Variants in AADACL2 observed in about 807,000 individuals in gnomAD.
The protein encoded by AADACL2 is arylacetamide deacetylase-like 2.
In AADACL2, 23 loss-of-function variants were observed where a neutral mutation model predicts 22.3. The ratio of observed to expected loss-of-function variants is 1.03; its 90% CI spans 0.74 to 1.46. AADACL2 has a LOEUF of 1.46. AADACL2 is among the 40% of genes most tolerant of loss of function. AADACL2 has a pLI of 0.00. For synonymous variants in AADACL2, 177 were observed against 166.2 expected (o/e 1.07, Z -0.50); for missense variants, 472 against 482.9 (o/e 0.98, Z 0.21).
intron 2 of AADACL2, among the ~76,000 whole-genome samples, chr3:151,741,219 T>C (rs1282312278): frequency 3.3e-5 from 5 of 152,182 alleles, no homozygotes; most frequent in African/African-American, 1.2e-4. Flanking sequence ...ATGCAGATGT[T>C]TTAATTAACA....
chr3:151,754,100 G>T (rs994019285), intron 4 of AADACL2, among the ~76,000 whole-genome samples: 1 of 152,074 alleles, frequency 6.6e-6, no homozygotes, highest in Non-Finnish European at 1.5e-5. Context: ...ATGACACAGG[G>T]CATGAAGTCA....
At position 151,757,534 on chromosome 3, in the gene AADACL2, T is replaced by C; in HGVS notation, c.1146T>C (p.Tyr382=). 1.9e-6 allele frequency: 3 copies of C among 1,613,450 alleles called. No homozygotes were observed. Among genetic ancestry groups the C allele is most frequent in the Non-Finnish European group, 2.5e-6 (3 of 1,179,554 alleles). The change falls in exon 5 of 5, where the codon TAT becomes TAC. Residue 382 remains tyrosine (Y), a synonymous_variant. Transcript: ENST00000356517. ...GALSFMTSPF[Y]LRLGLRIRDM... is the part of the protein sequence containing the mutation. ...TATCATTCATGACTTCACCATTTTA[T>C]TTACGTCTAGGTCTTAGGATAAGAG...
intron 4 of AADACL2, among the ~76,000 whole-genome samples, chr3:151,746,805 G>T (rs1713461034): frequency 6.6e-6 from 1 of 151,922 alleles, no homozygotes; most frequent in African/African-American, 2.4e-5. Flanking sequence ...TGGTCTTGAT[G>T]AATTAAAATT....
At chr3:151,753,355 T>C (rs1713745699) in intron 4 of AADACL2, among the ~76,000 whole-genome samples, 1 of 152,086 alleles carries the variant, frequency 6.6e-6, no homozygotes. Flanking sequence ...AGAATAAAGA[T>C]CAGGAAAGGA....
At chr3:151,746,861 T>C (rs1438015646) in intron 4 of AADACL2, among the ~76,000 whole-genome samples, 1 of 151,994 alleles carries the variant, frequency 6.6e-6, no homozygotes, top group Non-Finnish European at 1.5e-5. Flanking sequence ...TTAAATGTTT[T>C]GTATTTTTGA....
At position 151,757,017 on chromosome 3, in the gene AADACL2, A is replaced by T. The variant is rs1218469287; in HGVS notation, c.629A>T (p.His210Leu). Residue 210 changes from histidine to leucine, a missense_variant, in exon 5 of 5, where the codon CAT becomes CTT. Physicochemically the swap from His to Leu is moderately conservative, Grantham distance 99 (BLOSUM62 -3). This residue lies in a region of AADACL2 where 356 missense variants were observed against 365.5 expected (regional missense o/e 0.97). Transcript: ENST00000356517. ...QQVQNDAEIKHKIKMQVLLYP... is the reference protein window; with the variant it reads ...QQVQNDAEIKLKIKMQVLLYP... ...GTGCAGAATGATGCTGAAATAAAAC[A>T]TAAAATCAAGATGCAAGTCTTACTT... 11 of 1,606,238 alleles carry T rather than the reference A, an allele frequency of 6.8e-6. No homozygotes were observed. Among genetic ancestry groups the T allele is most frequent in the Non-Finnish European group, 9.3e-6 (11 of 1,177,738 alleles).
At chr3:151,754,518 A>G (rs1713812593) in intron 4 of AADACL2, among the ~76,000 whole-genome samples, 1 of 152,144 alleles carries the variant, frequency 6.6e-6, no homozygotes, top group Non-Finnish European at 1.5e-5. Context: ...TTTAGGATTA[A>G]TGATATTTAA....
At chr3:151,744,925 T>C (rs1220642208) in intron 3 of AADACL2, among the ~76,000 whole-genome samples, 1 of 151,976 alleles carries the variant, frequency 6.6e-6, no homozygotes, top group Non-Finnish European at 1.5e-5. Flanking sequence ...AAAAGAAGAG[T>C]GTGATAATTT....
At position 151,744,136 on chromosome 3, in the gene AADACL2, G is replaced by T. The variant is rs539885775; in HGVS notation, c.405G>T (p.Thr135=). 2.5e-6 allele frequency: 4 copies of T among 1,613,652 alleles called. No individual in the cohort carries two copies. The highest frequency in any genetic ancestry group is 3.4e-6 in the Non-Finnish European group (4 of 1,179,720). Residue 135 remains threonine (T), a synonymous_variant, in exon 3 of 5, where the codon ACG becomes ACT. Coordinates refer to ENST00000356517, the MANE Select transcript of AADACL2 (RefSeq NM_207365.4). ...TCCTGAATAGATGGACGGCAAACAC[G>T]CTTGATGCTGTTGTTGTAGGCGTGG... is the stretch of plus-strand genomic sequence containing the variant. ...FDFLNRWTAN[T]LDAVVVGVDY...
intron 4 of AADACL2, among the ~76,000 whole-genome samples, chr3:151,754,045 G>A (rs1204516803): frequency 6.6e-6 from 1 of 152,110 alleles, no homozygotes; most frequent in African/African-American, 2.4e-5. Context: ...GGTGTCCATG[G>A]CAGATTACTG....
chr3:151,740,646 G>T lies in AADACL2; in HGVS notation c.139G>T (p.Ala47Ser), dbSNP rs939950149. ...AATTTTGTTTGTTTTGTTCTTACAG[G>T]CTATGTGTTTTGAAAATATGCGTAT... ...DAIAKTCTFT[A>S]MCFENMRIMR... is the part of the protein sequence containing the mutation. The change falls in exon 2 of 5, where the codon GCT becomes TCT. Residue 47 changes from alanine to serine, a missense_variant and splice_region_variant. Coordinates refer to ENST00000356517, the MANE Select transcript of AADACL2 (RefSeq NM_207365.4). 3.1e-6 allele frequency: 5 copies of T among 1,593,222 alleles called. No individual in the cohort carries two copies. The highest frequency in any genetic ancestry group is 4.3e-6 in the Non-Finnish European group (5 of 1,165,592).
intron 1 of AADACL2, among the ~76,000 whole-genome samples, chr3:151,736,615 G>C (rs1713097187): frequency 6.6e-6 from 1 of 152,004 alleles, no homozygotes; most frequent in African/African-American, 2.4e-5. Flanking sequence ...GAGAATGATG[G>C]CTTCCAGCTC....
chr3:151,738,651 T>C (rs1713172304), intron 1 of AADACL2, among the ~76,000 whole-genome samples: 1 of 152,240 alleles, frequency 6.6e-6, no homozygotes, highest in South Asian at 2.1e-4. Flanking sequence ...AGGTTTGGTC[T>C]TTTCACATAG....
chr3:151,733,952 C>G lies in AADACL2; in HGVS notation c.-84C>G. ...ATATCACCTGAGAGAGTTCCCAAGTCTACAATTGCTCTACTAGTTACTATT... is the reference window on the plus strand; with the variant it reads ...ATATCACCTGAGAGAGTTCCCAAGTGTACAATTGCTCTACTAGTTACTATT... On this transcript the variant is annotated 5_prime_UTR_variant, in exon 1 of 5. Coordinates refer to ENST00000356517, the MANE Select transcript of AADACL2 (RefSeq NM_207365.4). 1 of 1,395,130 alleles carries G rather than the reference C, an allele frequency of 7.2e-7. No homozygotes were observed. The highest frequency in any genetic ancestry group is 9.6e-7 in the Non-Finnish European group (1 of 1,041,616). The allele number at this position is 1,395,130 out of a possible 1,614,324, so 86.4% of individuals were successfully genotyped here.
rs752469447 is a variant in AADACL2 at position 151,757,501 on chromosome 3, T to C, written c.1113T>C (p.His371=). The C allele has an allele frequency of 5.6e-6, 9 of 1,613,662 alleles. No individual in the cohort carries two copies. The highest frequency in any genetic ancestry group is 7.6e-6 in the Non-Finnish European group (9 of 1,179,644). Residue 371 remains histidine (H), a synonymous_variant, in exon 5 of 5, where the codon CAT becomes CAC. Coordinates refer to ENST00000356517, the MANE Select transcript of AADACL2 (RefSeq NM_207365.4). ...ATGAACATATTGAGGATGGAATTCA[T>C]GGAGCTTTATCATTCATGACTTCAC... ...VVHEHIEDGI[H]GALSFMTSPF... is the part of the protein sequence containing the mutation.
At chr3:151,736,491 C>T (rs1713093720) in intron 1 of AADACL2, among the ~76,000 whole-genome samples, 1 of 152,072 alleles carries the variant, frequency 6.6e-6, no homozygotes, top group Non-Finnish European at 1.5e-5. Flanking sequence ...TGCCTCCCGA[C>T]AGGCCCTGGT....
intron 2 of AADACL2, among the ~76,000 whole-genome samples, chr3:151,742,323 C>T (rs1227647625): frequency 6.6e-6 from 1 of 151,964 alleles, no homozygotes; most frequent in Non-Finnish European, 1.5e-5. Flanking sequence ...ACGCATTCTA[C>T]AGACACTATA....
intron 1 of AADACL2, among the ~76,000 whole-genome samples, chr3:151,738,272 A>G (rs1375874777): frequency 6.6e-6 from 1 of 152,208 alleles, no homozygotes; most frequent in Non-Finnish European, 1.5e-5. Context: ...TTGGCTGGAT[A>G]CGAAATTCTG....
chr3:151,757,872 G>A lies in AADACL2; in HGVS notation c.*278G>A, dbSNP rs562766541. 1 of 234,226 alleles carries A rather than the reference G, an allele frequency of 4.3e-6. No individual in the cohort carries two copies. The highest frequency in any genetic ancestry group is 2.3e-5 in the African/African-American group (1 of 43,986). 14.5% of individuals were successfully genotyped at this position (234,226 alleles called of 1,614,324 possible). A position where few individuals can be genotyped will look rare whatever the true frequency, so the allele number is the denominator to read the frequency against. ...AATGCTTATTAAAGTTGAGAAATAA[G>A]AGTGGTTATTGGCAAATTAAGCAAG... On this transcript the variant is annotated 3_prime_UTR_variant, in exon 5 of 5. Coordinates refer to ENST00000356517, the MANE Select transcript of AADACL2 (RefSeq NM_207365.4).
Sources: gnomAD v4.1 joint callset for allele counts (sites outside exome capture counted in the v4.1 genomes callset) on GRCh38, gnomAD v4.1.1 for gene constraint, gnomAD v4.1.1 regional missense constraint, MANE v1.5 for transcripts, NCBI Gene and HGNC (gene_info 2026-07-23, HGNC 2026-07-21) for gene names.